SLC22A23: variants seen among roughly 807,000 people sequenced by gnomAD.
SLC22A23 encodes ion transporter protein.
A neutral mutation model predicts 61.0 loss-of-function variants in SLC22A23; 26 were observed. The observed-to-expected ratio is 0.43, with a 90% CI of 0.31 to 0.59. The LOEUF (loss-of-function observed/expected upper bound fraction) is 0.59. Among genes scored for constraint, SLC22A23 ranks in the 20% least tolerant of loss-of-function variants. The pLI is 0.11. For synonymous variants in SLC22A23, 430 were observed against 413.9 expected, an observed-to-expected ratio of 1.04 and a Z score of -0.47; for missense variants, 796 against 934.7, an observed-to-expected ratio of 0.85 and a Z score of 1.94.
intron 1 of SLC22A23, among the ~76,000 whole-genome samples, chr6:3,426,280 G>A (rs1770484299): frequency 6.6e-6 from 1 of 152,220 alleles, no homozygotes; most frequent in South Asian, 2.1e-4. Flanking sequence ...GACTTGAGCA[G>A]AGCCCAGGTT....
intron 9 of SLC22A23, among the ~76,000 whole-genome samples, chr6:3,275,598 CT>C (rs1016995321): frequency 6.6e-6 from 1 of 152,004 alleles, no homozygotes; most frequent in Non-Finnish European, 1.5e-5. Context: ...ATATAAAGAA[CT>C]TTTTTTTGAG....
At chr6:3,354,913 A>G (rs1438986701) in intron 3 of SLC22A23, among the ~76,000 whole-genome samples, 1 of 152,222 alleles carries the variant, frequency 6.6e-6, no homozygotes, top group African/African-American at 2.4e-5. Flanking sequence ...CACGCAGAAC[A>G]GACAAAGCAG....
intron 9 of SLC22A23, among the ~76,000 whole-genome samples, chr6:3,276,409 G>A (rs563149110): frequency 6.6e-6 from 1 of 151,990 alleles, no homozygotes; most frequent in Non-Finnish European, 1.5e-5. Context: ...CCTCCCTGGC[G>A]CATCTTCTGC....
rs1407902681 is a variant in SLC22A23 at position 3,386,652 on chromosome 6, A to C, written c.913+23536T>G. Among the ~76,000 whole-genome samples, 1 of 152,156 alleles carries C rather than the reference A, an allele frequency of 6.6e-6. No homozygotes were observed. The highest frequency in any genetic ancestry group is 1.5e-5 in the Non-Finnish European group (1 of 68,012). On this transcript the variant is annotated intron_variant, in intron 3 of 9. Coordinates refer to ENST00000406686, the MANE Select transcript of SLC22A23 (RefSeq NM_015482.2). The surrounding 1 kb of genome is among the most constrained non-coding windows in gnomAD (Gnocchi z 4.4). ...AGCTCAGAACGGCCTTCCAGGGCCA[A>C]CCCTCTTGCTCTACAGATGAAAAGA...
At chr6:3,385,841 G>C (rs1767265268) in intron 3 of SLC22A23, among the ~76,000 whole-genome samples, 1 of 152,180 alleles carries the variant, frequency 6.6e-6, no homozygotes, top group African/African-American at 2.4e-5. Flanking sequence ...ATTCCTCAGA[G>C]AGCACTCTGT....
chr6:3,279,360 A>C (rs1300895670), intron 9 of SLC22A23, among the ~76,000 whole-genome samples: 1 of 151,244 alleles, frequency 6.6e-6, no homozygotes, highest in Non-Finnish European at 1.5e-5. Context: ...AAAATACAAA[A>C]ATTAGTTGGG....
chr6:3,433,977 A>G (rs1186787309), intron 1 of SLC22A23, among the ~76,000 whole-genome samples: 1 of 152,190 alleles, frequency 6.6e-6, no homozygotes, highest in Non-Finnish European at 1.5e-5. Flanking sequence ...TATACACTTA[A>G]CATCTGTCCA....
chr6:3,343,688 G>A (rs866508651), intron 3 of SLC22A23, among the ~76,000 whole-genome samples: 1 of 152,206 alleles, frequency 6.6e-6, no homozygotes, highest in East Asian at 1.9e-4. Flanking sequence ...GGTCGCTCTT[G>A]AATTGCCCAT....
chr6:3,456,156 G>A lies in SLC22A23; in HGVS notation c.404C>T (p.Thr135Ile). Residue 135 changes from threonine (T) to isoleucine (I), a missense_variant, in exon 1 of 10, where the codon ACC (threonine) becomes ATC (isoleucine). By Grantham distance (89) the Thr-to-Ile change is moderately conservative. Coordinates refer to ENST00000406686, the MANE Select transcript of SLC22A23 (RefSeq NM_015482.2). The surrounding 1 kb of genome is among the most constrained non-coding windows in gnomAD (Gnocchi z 7.1). ...NFWCRGAGKGTELAGVTTTGR... is the reference protein window; with the variant it reads ...NFWCRGAGKGIELAGVTTTGR... ...TGTGGTGGTGACCCCTGCCAGCTCGGTGCCTTTGCCGGCCCCGCGGCACCA... is the reference window on the plus strand; with the variant it reads ...TGTGGTGGTGACCCCTGCCAGCTCGATGCCTTTGCCGGCCCCGCGGCACCA... 1.9e-6 allele frequency: 3 copies of A among 1,551,240 alleles called. No individual in the cohort carries two copies. Among genetic ancestry groups the A allele is most frequent in the Non-Finnish European group, 2.6e-6 (3 of 1,146,852 alleles).
At position 3,389,787 on chromosome 6, in the gene SLC22A23, C is replaced by T. The variant is rs565269480; in HGVS notation, c.913+20401G>A. Among the ~76,000 whole-genome samples, 11 of 152,348 alleles carry T rather than the reference C, an allele frequency of 7.2e-5. No individual in the cohort carries two copies. In the South Asian group the frequency reaches 2.3e-3, roughly 32 times the overall value. ...ATCAGAATCACCCCTGCAAAGCAGGCATAAGGGGAAAGGGAGCTGGTACGT... is the reference window on the plus strand; with the variant it reads ...ATCAGAATCACCCCTGCAAAGCAGGTATAAGGGGAAAGGGAGCTGGTACGT... On this transcript the variant is annotated intron_variant, in intron 3 of 9. Coordinates refer to ENST00000406686, the MANE Select transcript of SLC22A23 (RefSeq NM_015482.2).
chr6:3,451,375 T>G (rs1224523727), intron 1 of SLC22A23, among the ~76,000 whole-genome samples: 1 of 152,122 alleles, frequency 6.6e-6, no homozygotes, highest in Non-Finnish European at 1.5e-5. Context: ...TTTTCTATTT[T>G]TAGTAGAGAT....
At chr6:3,288,682 T>TC (rs1402897217) in intron 6 of SLC22A23, among the ~76,000 whole-genome samples, 1 of 152,250 alleles carries the variant, frequency 6.6e-6, no homozygotes, top group African/African-American at 2.4e-5. Context: ...CATGTTTTTT[T>TC]CCAACATAAA....
At chr6:3,417,343 G>A (rs1769793607) in intron 1 of SLC22A23, among the ~76,000 whole-genome samples, 1 of 152,160 alleles carries the variant, frequency 6.6e-6, no homozygotes, top group South Asian at 2.1e-4. Flanking sequence ...GCAACGCCAG[G>A]CCCAGGAAGA....
At chr6:3,398,271 T>C (rs1367260444) in intron 3 of SLC22A23, among the ~76,000 whole-genome samples, 3 of 152,076 alleles carry the variant, frequency 2.0e-5, no homozygotes, top group African/African-American at 7.2e-5. Flanking sequence ...TTCCTAACCC[T>C]ACCCCCAACC....
intron 5 of SLC22A23, chr6:3,291,622 C>G (rs910925883): frequency 4.6e-5 from 7 of 152,144 alleles, no homozygotes; most frequent in African/African-American, 1.7e-4. Context: ...TTTTCCTCAG[C>G]AAAAATGGGC....
intron 3 of SLC22A23, among the ~76,000 whole-genome samples, chr6:3,369,851 T>C (rs999820349): frequency 6.6e-6 from 1 of 152,248 alleles, no homozygotes; most frequent in African/African-American, 2.4e-5. Flanking sequence ...GTTTTAGAAA[T>C]GGTTTTCAAT....
At chr6:3,306,374 G>A (rs781530144) in intron 4 of SLC22A23, among the ~76,000 whole-genome samples, 4 of 152,192 alleles carry the variant, frequency 2.6e-5, no homozygotes, top group African/African-American at 4.8e-5. Context: ...AAATAATTTG[G>A]TTCATGCAGC....
At chr6:3,412,487 A>T (rs1769337522) in intron 2 of SLC22A23, among the ~76,000 whole-genome samples, 1 of 152,208 alleles carries the variant, frequency 6.6e-6, no homozygotes, top group Admixed American at 6.5e-5. Flanking sequence ...CATGTTAGTT[A>T]CAAGCATGGA....
chr6:3,272,806 A>G lies in SLC22A23; in HGVS notation c.*249T>C. 2.4e-6 allele frequency: 1 copy of G among 416,810 alleles called. No homozygotes were observed. Among genetic ancestry groups the G allele is most frequent in the Non-Finnish European group, 4.3e-6 (1 of 233,708 alleles). 25.8% of individuals were successfully genotyped at this position (416,810 alleles called of 1,614,324 possible). The stretch of plus-strand genomic sequence containing the variant: ...AGAGGGAATAAAGTGCTTCTCGTAA[A>G]AATGACCAAAATAAATACACACATT... On this transcript the variant is annotated 3_prime_UTR_variant, in exon 10 of 10. Transcript: ENST00000406686.
Sources: gnomAD v4.1 joint callset for allele counts (sites outside exome capture counted in the v4.1 genomes callset) on GRCh38, gnomAD v4.1.1 for gene constraint, Gnocchi (gnomAD v3.1) non-coding constraint, MANE v1.5 for transcripts, NCBI Gene and HGNC (gene_info 2026-07-23, HGNC 2026-07-21) for gene names.